The following ZFX variants were observed in gnomAD, a reference collection of about 807,000 sequenced individuals.
The protein encoded by ZFX is zinc finger X-chromosomal protein.
For synonymous variants in ZFX, 196 were observed against 226.8 expected, an observed-to-expected ratio of 0.86 and a Z score of 1.22; for missense variants, 362 against 628.3, an observed-to-expected ratio of 0.58 and a Z score of 4.53.
In ZFX at chrX:24,207,485, A is replaced by C; in HGVS notation, c.796+10A>C. On this transcript the variant is annotated intron_variant, in intron 6 of 9. Coordinates refer to ENST00000304543, the MANE Select transcript of ZFX (RefSeq NM_003410.4). ...GGAGAAGATGACTTAGGTAAGAAGAAGTGTTTAGACATTATACATCCTCAT... is the reference window on the plus strand; with the variant it reads ...GGAGAAGATGACTTAGGTAAGAAGACGTGTTTAGACATTATACATCCTCAT... 8.3e-7 allele frequency: 1 copy of C among 1,205,055 alleles called. No individual in the cohort carries two copies. Among genetic ancestry groups the C allele is most frequent in the East Asian group, 3.0e-5 (1 of 33,794 alleles).
intron 3 of ZFX, among the ~76,000 whole-genome samples, chrX:24,168,109 C>T (rs1298443974): frequency 8.9e-6 from 1 of 112,033 alleles, no homozygotes; most frequent in East Asian, 2.8e-4. Flanking sequence ...GAAAGAAATG[C>T]AGCTTAAGAG....
At chrX:24,153,746 C>T (rs1285415756) in intron 3 of ZFX, among the ~76,000 whole-genome samples, 3 of 111,178 alleles carry the variant, frequency 2.7e-5, no homozygotes, top group African/African-American at 9.8e-5. Flanking sequence ...TTTCCTTCTA[C>T]ACTGTGAATA....
At chrX:24,166,752 A>G (rs904144881) in intron 3 of ZFX, among the ~76,000 whole-genome samples, 5 of 112,286 alleles carry the variant, frequency 4.5e-5, no homozygotes, top group African/African-American at 1.3e-4. Context: ...CTAAAATCAC[A>G]TAAAGAATAT....
intron 3 of ZFX, among the ~76,000 whole-genome samples, chrX:24,159,772 G>A (rs1375240705): frequency 1.8e-5 from 2 of 111,793 alleles, no homozygotes; most frequent in African/African-American, 6.5e-5. Context: ...ATGAGCCACC[G>A]TGTCCGAGCG....
In ZFX at chrX:24,214,425, G is replaced by A. The variant is rs961680870; in HGVS notation, c.*3049G>A. 2 of 112,282 alleles carry A rather than the reference G, an allele frequency of 1.8e-5. No individual in the cohort carries two copies. The highest frequency in any genetic ancestry group is 3.2e-5 in the African/African-American group (1 of 30,836). 9.3% of individuals were successfully genotyped at this position (112,282 alleles called of 1,213,427 possible). On this transcript the variant is annotated 3_prime_UTR_variant, in exon 10 of 10. Transcript: ENST00000304543. ...CTGTTATTGAATGTTTAGTCTATTT[G>A]ATACCAGTACTAAGTTAATGCTTTT...
At chrX:24,207,506 C>G (rs1937676955) in intron 6 of ZFX, 31 bp downstream of exon 6, 3 of 1,191,460 alleles carry the variant, frequency 2.5e-6, no homozygotes, top group Non-Finnish European at 3.4e-6. Context: ...ATTATACATC[C>G]TCATCCAAAT....
At chrX:24,172,832 C>T in intron 4 of ZFX, 32 bp downstream of exon 4, 3 of 1,162,632 alleles carry the variant, frequency 2.6e-6, no homozygotes, top group Non-Finnish European at 3.5e-6. Context: ...CACTTCCCAT[C>T]TACCAGATTT....
chrX:24,157,934 A>G (rs1932887429), intron 3 of ZFX, among the ~76,000 whole-genome samples: 1 of 110,533 alleles, frequency 9.0e-6, no homozygotes, highest in African/African-American at 3.3e-5. Context: ...AATTTTTTGT[A>G]TTTTAGTCGA....
intron 9 of ZFX, 162 bp downstream of exon 9, chrX:24,209,202 C>T: frequency 1.2e-6 from 1 of 801,334 alleles, no homozygotes; most frequent in Non-Finnish European, 1.7e-6. Flanking sequence ...CAGTGATATT[C>T]ATGAATGATT....
Position 24,210,376 on chromosome X carries a change from A to G in ZFX, c.1418A>G (p.Asn473Ser). 1.7e-6 allele frequency: 2 copies of G among 1,211,964 alleles called. No individual in the cohort carries two copies. Among genetic ancestry groups the G allele is most frequent in the South Asian group, 1.8e-5 (1 of 56,984 alleles). ...YTTNKKISLH[N>S]HLESHKLTSK... ...ACCAACAAGAAGATAAGTTTACACA[A>G]CCACCTGGAGAGCCACAAGCTGACC... Residue 473 changes from asparagine to serine, a missense_variant, in exon 10 of 10, where the codon AAC becomes AGC. Physicochemically the swap from Asn to Ser is conservative, Grantham distance 46. Coordinates refer to ENST00000304543, the MANE Select transcript of ZFX (RefSeq NM_003410.4).
Position 24,210,962 on chromosome X carries a change from T to G in ZFX, c.2004T>G (p.Asp668Glu). Reference sequence around the variant, plus strand: ...ACCCCCATAAGTGTGACATGTGTGATAAAGGCTTTCACAGGCCTTCAGAAC... The same window carrying G: ...ACCCCCATAAGTGTGACATGTGTGAGAAAGGCTTTCACAGGCCTTCAGAAC... ...KDYPHKCDMC[D>E]KGFHRPSELK... The change falls in exon 10 of 10, where the codon GAT becomes GAG. Residue 668 changes from aspartate to glutamate, a missense_variant. Transcript: ENST00000304543. 1 of 1,211,930 alleles carries G rather than the reference T, an allele frequency of 8.3e-7. No individual in the cohort carries two copies. The highest frequency in any genetic ancestry group is 1.1e-6 in the Non-Finnish European group (1 of 895,592).
At position 24,203,278 on chromosome X, in the gene ZFX, T is replaced by A. The variant is rs368636340; in HGVS notation, c.647-4048T>A. Among the ~76,000 whole-genome samples the A allele has an allele frequency of 6.2e-5, 7 of 112,271 alleles. No individual in the cohort carries two copies. In the East Asian group the frequency reaches 1.1e-3, roughly 18 times the overall value. The stretch of plus-strand genomic sequence containing the variant: ...TCCGTCCTGATTCAAGGCCTCGTCA[T>A]CTATCACCTGCATTACTGCAGTAGA... On this transcript the variant is annotated intron_variant, in intron 5 of 9. Transcript: ENST00000304543.
chrX:24,189,873 G>T (rs1936419431), intron 5 of ZFX, among the ~76,000 whole-genome samples: 2 of 111,313 alleles, frequency 1.8e-5, no homozygotes, highest in Admixed American at 1.9e-4. Context: ...TTAATTATTG[G>T]CTAGGTATGT....
intron 5 of ZFX, among the ~76,000 whole-genome samples, chrX:24,194,890 G>A (rs961296123): frequency 9.2e-6 from 1 of 108,704 alleles, no homozygotes; most frequent in African/African-American, 3.4e-5. Context: ...GGGACTACAC[G>A]CATGCACCAC....
chrX:24,184,857 G>A (rs1354245341), intron 5 of ZFX, among the ~76,000 whole-genome samples: 3 of 111,829 alleles, frequency 2.7e-5, no homozygotes, highest in Non-Finnish European at 3.8e-5. Context: ...GAGCATTTGC[G>A]TGCACACATG....
chrX:24,209,582 A>T (rs1937904049), intron 9 of ZFX, among the ~76,000 whole-genome samples: 1 of 110,234 alleles, frequency 9.1e-6, no homozygotes, highest in Non-Finnish European at 1.9e-5. Flanking sequence ...TTATTTACTT[A>T]TTTTTTTTTG....
At chrX:24,161,657 A>G (rs1203836705) in intron 3 of ZFX, 3 of 106,091 alleles carry the variant, frequency 2.8e-5, no homozygotes, top group Non-Finnish European at 3.9e-5. Context: ...AAGTGATACT[A>G]CTAATCTAAC....
At chrX:24,189,452 C>T (rs970300989) in intron 5 of ZFX, among the ~76,000 whole-genome samples, 6 of 111,776 alleles carry the variant, frequency 5.4e-5, no homozygotes, top group Non-Finnish European at 1.1e-4. Flanking sequence ...AATATTAGCT[C>T]CTAATTAAGC....
chrX:24,172,470 T>C (rs758640530), intron 3 of ZFX, among the ~76,000 whole-genome samples: 2 of 112,397 alleles, frequency 1.8e-5, no homozygotes, highest in East Asian at 2.8e-4. Context: ...GCAATACATT[T>C]ATTGCTTCAA....
Sources: gnomAD v4.1 joint callset for allele counts (sites outside exome capture counted in the v4.1 genomes callset) on GRCh38, gnomAD v4.1.1 for gene constraint, MANE v1.5 for transcripts, NCBI Gene and HGNC (gene_info 2026-07-23, HGNC 2026-07-21) for gene names.